Variants in CDK11B observed in about 807,000 individuals in gnomAD.
CDK11B encodes cyclin dependent kinase 11B, also known as cyclin-dependent kinase 11B.
A neutral mutation model predicts 84.0 loss-of-function variants in CDK11B; 37 were observed. The ratio of observed to expected loss-of-function variants is 0.44; its 90% confidence interval spans 0.34 to 0.58. The LOEUF (loss-of-function observed/expected upper bound fraction) is 0.58. Among genes scored for constraint, CDK11B ranks in the 20% least tolerant of loss-of-function variants. The pLI is 0.02. For missense variants in CDK11B, 427 were observed against 834.0 expected (o/e 0.51, Z 6.01); for synonymous variants, 269 against 309.8 (o/e 0.87, Z 1.38).
chr1:1,641,236 C>G, intron 9 of CDK11B, 123 bp from the exon 10 acceptor site: 1 of 1,498,650 alleles, frequency 6.7e-7, no homozygotes, highest in Non-Finnish European at 9.1e-7. Context: ...AGGCCGGGCG[C>G]GGTGGCTCAC....
At chr1:1,650,315 A>G (rs1641806447) in intron 4 of CDK11B, among the ~76,000 whole-genome samples, 1 of 150,228 alleles carries the variant, frequency 6.7e-6, no homozygotes, top group African/African-American at 2.4e-5. Flanking sequence ...AAATATTTAA[A>G]TAAATATTTA....
rs773889166 is a variant in CDK11B at position 1,640,464 on chromosome 1, G to C, written c.1076-12C>G. The C allele has an allele frequency of 1.9e-6, 3 of 1,613,668 alleles. No homozygotes were observed. The highest frequency in any genetic ancestry group is 2.5e-6 in the Non-Finnish European group (3 of 1,179,702). On this transcript the variant is annotated splice_polypyrimidine_tract_variant and intron_variant, in intron 10 of 19. Coordinates refer to ENST00000341832, the MANE Select transcript of CDK11B (RefSeq NM_033486.3). ...CCGTGACTCTGGAACTGGAAAAGTT[G>C]AACCTAATTACGAAGCTAGGAGTAA...
Position 1,636,839 on chromosome 1 carries a change from C to G in CDK11B, c.1801-41G>C, listed in dbSNP as rs746070299. ...AGGTGTTCAGGAGGGCCAGTGCCCG[C>G]GAAGCTGTGGGAGGCTGCGTGGGGG... On this transcript the variant is annotated intron_variant, in intron 16 of 19. Transcript: ENST00000341832. 1.2e-5 allele frequency: 19 copies of G among 1,613,036 alleles called. No individual in the cohort carries two copies. In the South Asian group the frequency reaches 1.8e-4, roughly 15 times the overall value.
At chr1:1,650,003 G>C (rs1207112844) in intron 4 of CDK11B, among the ~76,000 whole-genome samples, 4 of 150,480 alleles carry the variant, frequency 2.7e-5, no homozygotes, top group Non-Finnish European at 4.4e-5. Context: ...ACCGGGCGCG[G>C]TGGCTCACGC....
chr1:1,653,313 G>A (rs78309712), intron 3 of CDK11B, among the ~76,000 whole-genome samples: 1,578 of 151,946 alleles, frequency 0.01, 23 homozygotes, highest in African/African-American at 0.036. Context: ...GTGAGCCACC[G>A]CACCCAGCTT....
intron 4 of CDK11B, among the ~76,000 whole-genome samples, chr1:1,650,818 T>TA (rs1270610495): frequency 6.6e-6 from 1 of 151,404 alleles, no homozygotes; most frequent in Non-Finnish European, 1.5e-5. Context: ...TTATGTTAAA[T>TA]AAAAAACTTT....
rs375553551 is a variant in CDK11B at position 1,636,374 on chromosome 1, G to A, written c.2025C>T (p.Phe675=). The A allele has an allele frequency of 9.4e-6, 15 of 1,602,916 alleles. No homozygotes were observed. The highest frequency in any genetic ancestry group is 5.1e-5 in the Admixed American group (3 of 58,320). The change falls in exon 18 of 20, where the codon TTC becomes TTT. Residue 675 remains phenylalanine (F), a synonymous_variant. Transcript: ENST00000341832. ...EHPYNNLRKR[F]GALLSDQGFD... ...AGCCCTGGTCTGAGAGCAGAGCCCC[G>A]AAGCGCTTGCGGAGGTTGTTGTAGG...
In CDK11B at chr1:1,657,531, G is replaced by C. The variant is rs1421830711; in HGVS notation, c.-13-33C>G. ...AAGAAAAATAATTCAGCCTACATCAGGACACAGCAAGCTATGGTGCTGAAC... is the reference window on the plus strand; with the variant it reads ...AAGAAAAATAATTCAGCCTACATCACGACACAGCAAGCTATGGTGCTGAAC... On this transcript the variant is annotated intron_variant, in intron 1 of 19. Coordinates refer to ENST00000341832, the MANE Select transcript of CDK11B (RefSeq NM_033486.3). 3 of 1,395,632 alleles carry C rather than the reference G, an allele frequency of 2.1e-6. No homozygotes were observed. The East Asian group carries it at 7.5e-5, about 35-fold the overall frequency. 86.5% of individuals were successfully genotyped at this position (1,395,632 alleles called of 1,614,324 possible).
chr1:1,652,925 A>G (rs1268462169), intron 3 of CDK11B, among the ~76,000 whole-genome samples: 4 of 152,098 alleles, frequency 2.6e-5, no homozygotes, highest in Non-Finnish European at 5.9e-5. Context: ...GGGTTTTACC[A>G]TGTTAGCCAG....
intron 5 of CDK11B, chr1:1,646,255 T>C: frequency 5.3e-6 from 2 of 376,442 alleles, no homozygotes; most frequent in Non-Finnish European, 1.1e-5. Context: ...ACAGTTGGAT[T>C]TACTTTCCTT....
chr1:1,638,937 A>ATT (rs70937162), intron 11 of CDK11B, among the ~76,000 whole-genome samples: 54 of 119,384 alleles, frequency 4.5e-4, no homozygotes, highest in Non-Finnish European at 6.7e-4. Flanking sequence ...TCTGTTTTCT[A>ATT]TTTTTTTTTT....
chr1:1,639,342 G>A (rs1639892009), intron 11 of CDK11B, among the ~76,000 whole-genome samples: 2 of 151,774 alleles, frequency 1.3e-5, no homozygotes, highest in Non-Finnish European at 2.9e-5. Context: ...GTTTGAGCCT[G>A]GGAGGGGGAG....
At chr1:1,637,953 G>C in intron 12 of CDK11B, 70 bp from the exon 13 acceptor site, 1 of 1,597,972 alleles carries the variant, frequency 6.3e-7, no homozygotes, top group East Asian at 2.2e-5. Context: ...GACTCGTTCA[G>C]TGAGGACCGC....
intron 11 of CDK11B, among the ~76,000 whole-genome samples, chr1:1,639,989 A>C (rs923346392): frequency 1.2e-4 from 18 of 151,660 alleles, no homozygotes; most frequent in Admixed American, 3.9e-4. Flanking sequence ...AGGAGGACGC[A>C]ACTCGGGCAG....
intron 4 of CDK11B, among the ~76,000 whole-genome samples, chr1:1,650,097 C>T (rs1485922193): frequency 1.5e-4 from 22 of 150,794 alleles, no homozygotes; most frequent in African/African-American, 4.1e-4. Context: ...GGTGAAACCC[C>T]ATCTCTACTA....
At chr1:1,651,476 A>G in intron 4 of CDK11B, among the ~76,000 whole-genome samples, 1 of 97,712 alleles carries the variant, frequency 1.0e-5, no homozygotes, top group Admixed American at 9.8e-5. Context: ...AGTACTCTAT[A>G]GCCCCTCTGA....
chr1:1,652,763 C>T (rs1642175552), intron 3 of CDK11B, among the ~76,000 whole-genome samples, 197 bp from the exon 4 acceptor site: 1 of 152,146 alleles, frequency 6.6e-6, no homozygotes, highest in Non-Finnish European at 1.5e-5. Flanking sequence ...GACAGTCTCG[C>T]TCTGTTGCCC....
At chr1:1,649,434 T>C (rs1358321883) in intron 5 of CDK11B, 65 bp downstream of exon 5, 39 of 1,246,114 alleles carry the variant, frequency 3.1e-5, no homozygotes, top group Non-Finnish European at 4.4e-5. Context: ...TTCTTCTTCA[T>C]TTCTAGGATG....
chr1:1,657,198 A>T, intron 2 of CDK11B, 177 bp downstream of exon 2: 1 of 1,613,690 alleles, frequency 6.2e-7, no homozygotes, highest in Non-Finnish European at 8.5e-7. Flanking sequence ...ATCTGCCTTT[A>T]ATGTCAACTG....
Sources: allele counts gnomAD v4.1 joint callset (sites outside exome capture counted in the v4.1 genomes callset), GRCh38; gene constraint gnomAD v4.1.1; transcripts MANE v1.5; gene names NCBI Gene and HGNC (gene_info 2026-07-23, HGNC 2026-07-21).